Variants in PRKG1 observed in about 807,000 individuals in gnomAD.
PRKG1 encodes cGMP-dependent protein kinase 1.
Under a neutral mutation model 88.1 loss-of-function variants are expected in PRKG1, and 35 were observed. The observed-to-expected ratio is 0.40, with a 90% CI of 0.30 to 0.53. The LOEUF (loss-of-function observed/expected upper bound fraction) is 0.53. PRKG1 is among the 20% of genes least tolerant of loss of function. The pLI is 0.59. For missense variants in PRKG1, 540 were observed against 839.8 expected (o/e 0.64, Z 4.41); for synonymous variants, 303 against 292.5 (o/e 1.04, Z -0.37).
chr10:52,243,907 G>T (rs896246550), intron 9 of PRKG1, among the ~76,000 whole-genome samples: 1 of 151,990 alleles, frequency 6.6e-6, no homozygotes, highest in Non-Finnish European at 1.5e-5. Flanking sequence ...AAAATAAGTG[G>T]AACTATTTCA....
rs752412264 is a variant in PRKG1, at chr10:51,578,980, G to GTTTTTTTTTTTTTTTTTTTTTTTTTTTTT, written c.592+111172_592+111173insTTTTTTTTTTTTTTTTTTTTTTTTTTTTT. ...GAAGAGTTTGGAATAAGTTCTGTTG[G>GTTTTTTTTTTTTTTTTTTTTTTTTTTTTT]TTTTTTTTTTTTTTTTTTTTTTTTT... On this transcript the variant is annotated intron_variant, in intron 3 of 17. Coordinates refer to ENST00000373980, the MANE Select transcript of PRKG1 (RefSeq NM_006258.4). Among the ~76,000 whole-genome samples, 3 of 77,830 alleles carry GTTTTTTTTTTTTTTTTTTTTTTTTTTTTT rather than the reference G, an allele frequency of 3.9e-5. 1 individual carries two copies. Among genetic ancestry groups the GTTTTTTTTTTTTTTTTTTTTTTTTTTTTT allele is most frequent in the African/African-American group, 1.6e-4 (3 of 18,900 alleles). 51.1% of individuals were successfully genotyped at this position (77,830 alleles called of 152,430 possible).
At chr10:52,287,909 C>T (rs910505351) in intron 14 of PRKG1, among the ~76,000 whole-genome samples, 1 of 151,988 alleles carries the variant, frequency 6.6e-6, no homozygotes, top group Non-Finnish European at 1.5e-5. Flanking sequence ...AAACTCTACT[C>T]AACTCTGGGA....
intron 3 of PRKG1, among the ~76,000 whole-genome samples, chr10:51,732,617 T>A (rs913218702): frequency 1.3e-5 from 2 of 152,196 alleles, no homozygotes; most frequent in African/African-American, 4.8e-5. Context: ...AAGAAAAAAT[T>A]ATTTTTGTTT....
At chr10:51,571,988 G>C (rs1837766360) in intron 3 of PRKG1, among the ~76,000 whole-genome samples, 1 of 151,706 alleles carries the variant, frequency 6.6e-6, no homozygotes, top group African/African-American at 2.4e-5. Flanking sequence ...GAGAGAAAAG[G>C]AGAGAGAGAG....
chr10:51,165,328 C>T (rs1261629422), intron 2 of PRKG1, among the ~76,000 whole-genome samples: 2 of 151,518 alleles, frequency 1.3e-5, no homozygotes, highest in East Asian at 3.9e-4. Context: ...AAATAAAATC[C>T]TTTACAGACA....
intron 1 of PRKG1, among the ~76,000 whole-genome samples, chr10:51,130,676 G>A (rs1397074053): frequency 6.6e-6 from 1 of 152,044 alleles, no homozygotes; most frequent in African/African-American, 2.4e-5. Context: ...GCAAAGGCAG[G>A]TGGATCACGA....
At chr10:51,841,641 ACTGAATTTGT>A in intron 4 of PRKG1, among the ~76,000 whole-genome samples, 1 of 118,936 alleles carries the variant, frequency 8.4e-6, no homozygotes, top group Non-Finnish European at 1.7e-5. Flanking sequence ...TCATGCTGTG[ACTGAATTTGT>A]TAAAAAAAAA....
At position 51,900,599 on chromosome 10, in the gene PRKG1, G is replaced by T. The variant is rs145046725; in HGVS notation, c.699-6908G>T. On this transcript the variant is annotated intron_variant, in intron 4 of 17. Coordinates refer to ENST00000373980, the MANE Select transcript of PRKG1 (RefSeq NM_006258.4). Reference sequence around the variant, plus strand: ...TGATCTTAGCAGAAAAAGTCTTCAAGTATTAGAAAGCTTTTATGCTTACAG... The same window carrying T: ...TGATCTTAGCAGAAAAAGTCTTCAATTATTAGAAAGCTTTTATGCTTACAG... Among the ~76,000 whole-genome samples, 981 of 152,240 alleles carry T rather than the reference G, an allele frequency of 6.4e-3. 11 individuals carry two copies. Among genetic ancestry groups the T allele is most frequent in the African/African-American group, 0.02 (832 of 41,558 alleles).
At chr10:51,656,694 C>A (rs1034497774) in intron 3 of PRKG1, among the ~76,000 whole-genome samples, 8 of 152,128 alleles carry the variant, frequency 5.3e-5, no homozygotes, top group Non-Finnish European at 1.2e-4. Flanking sequence ...TAACTGTAAT[C>A]ATGTCATCCC....
At chr10:51,532,219 G>A (rs1013916351) in intron 3 of PRKG1, among the ~76,000 whole-genome samples, 9 of 152,150 alleles carry the variant, frequency 5.9e-5, no homozygotes, top group African/African-American at 1.9e-4. Context: ...ATCTATAGGC[G>A]ACTATTGTTT....
chr10:51,480,680 A>C (rs1840329520), intron 3 of PRKG1, among the ~76,000 whole-genome samples: 1 of 152,184 alleles, frequency 6.6e-6, no homozygotes, highest in South Asian at 2.1e-4. Context: ...AACCTTATAA[A>C]ACACATTTTA....
intron 1 of PRKG1, among the ~76,000 whole-genome samples, chr10:51,121,058 G>A (rs190832112): frequency 5.1e-4 from 78 of 152,174 alleles, no homozygotes; most frequent in African/African-American, 1.8e-3. Flanking sequence ...CATCTTCAAA[G>A]CCAGCAATGC....
At chr10:51,771,455 C>T (rs957070271) in intron 3 of PRKG1, among the ~76,000 whole-genome samples, 13 of 152,204 alleles carry the variant, frequency 8.5e-5, no homozygotes, top group Non-Finnish European at 1.6e-4. Context: ...CAGAGCACTG[C>T]ATTTTCATGT....
intron 2 of PRKG1, among the ~76,000 whole-genome samples, chr10:51,243,402 T>C (rs1311695001): frequency 6.6e-6 from 1 of 152,224 alleles, no homozygotes; most frequent in Admixed American, 6.5e-5. Context: ...CAGAAGGCTC[T>C]TGCCCTGGTC....
chr10:51,388,872 GA>G (rs1837323328), intron 2 of PRKG1, among the ~76,000 whole-genome samples: 1 of 152,142 alleles, frequency 6.6e-6, no homozygotes, highest in Non-Finnish European at 1.5e-5. Context: ...GTTGCTAGTG[GA>G]AAATAACAGA....
At chr10:51,035,633 A>G (rs1054987183) in intron 1 of PRKG1, among the ~76,000 whole-genome samples, 1 of 152,182 alleles carries the variant, frequency 6.6e-6, no homozygotes, top group Non-Finnish European at 1.5e-5. Context: ...CTTTATACAC[A>G]GTAGGCATCT....
chr10:51,990,713 T>G (rs1419981132), intron 5 of PRKG1, among the ~76,000 whole-genome samples: 1 of 152,082 alleles, frequency 6.6e-6, no homozygotes, highest in Admixed American at 6.6e-5. Context: ...ATCCTCTCCC[T>G]CCTCCCACCC....
At chr10:52,109,913 T>G (rs980882571) in intron 7 of PRKG1, among the ~76,000 whole-genome samples, 1 of 151,962 alleles carries the variant, frequency 6.6e-6, no homozygotes, top group Non-Finnish European at 1.5e-5. Flanking sequence ...CCGGGCCATG[T>G]CCTGTATCAC....
At chr10:51,420,124 A>G (rs1179565623) in intron 2 of PRKG1, among the ~76,000 whole-genome samples, 1 of 152,108 alleles carries the variant, frequency 6.6e-6, no homozygotes, top group East Asian at 1.9e-4. Context: ...TGCCAAATGG[A>G]AACTGGGGGA....
Sources: gnomAD v4.1 joint callset for allele counts (sites outside exome capture counted in the v4.1 genomes callset) on GRCh38, gnomAD v4.1.1 for gene constraint, MANE v1.5 for transcripts, NCBI Gene and HGNC (gene_info 2026-07-23, HGNC 2026-07-21) for gene names.